The following THRB variants were observed in gnomAD, a reference collection of about 807,000 sequenced individuals.
The protein encoded by THRB is nuclear receptor subfamily 1 group A member 2.
THRB carries 12 observed loss-of-function variants against 47.8 expected under a neutral mutation model. The observed-to-expected ratio is 0.25, with a 90% CI of 0.16 to 0.41. The LOEUF is 0.41. THRB is among the 10% of genes least tolerant of loss of function. The pLI is 1.00. For synonymous variants in THRB, 218 were observed against 212.2 expected (o/e 1.03, Z -0.24); for missense variants, 348 against 589.2 (o/e 0.59, Z 4.24).
intron 4 of THRB, among the ~76,000 whole-genome samples, chr3:24,228,598 A>G (rs2047922320): frequency 6.8e-6 from 1 of 146,696 alleles, no homozygotes; most frequent in South Asian, 2.2e-4. Context: ...GCACCACTGC[A>G]CTCCAGCCTG....
intron 1 of THRB, among the ~76,000 whole-genome samples, chr3:24,479,382 A>G (rs1327347590): frequency 6.6e-6 from 1 of 152,218 alleles, no homozygotes; most frequent in East Asian, 1.9e-4. Flanking sequence ...ACCCCAACAA[A>G]TTATGTGCTC....
intron 3 of THRB, among the ~76,000 whole-genome samples, chr3:24,258,672 A>G (rs1052839492): frequency 6.0e-5 from 9 of 151,074 alleles, no homozygotes; most frequent in Admixed American, 4.6e-4. Context: ...GTGCGGGCAC[A>G]TCATTACTTT....
At chr3:24,373,858 T>C (rs762352164) in intron 1 of THRB, among the ~76,000 whole-genome samples, 3 of 152,142 alleles carry the variant, frequency 2.0e-5, no homozygotes, top group Non-Finnish European at 4.4e-5. Context: ...CATACACTGC[T>C]GAGTGTTCAA....
At position 24,170,863 on chromosome 3, in the gene THRB, A is replaced by G. The variant is rs559739553; in HGVS notation, c.284-18373T>C. 1.2e-4 allele frequency among the ~76,000 whole-genome samples: 19 copies of G among 152,292 alleles called. No homozygotes were observed. In the South Asian group the frequency reaches 1.5e-3, roughly 12 times the overall value. ...GCACCAAAATCCATGTGCATTTAAA[A>G]AAAAAAAAGATAAAATGTTACATAT... On this transcript the variant is annotated intron_variant, in intron 5 of 10. Coordinates refer to ENST00000646209, the MANE Select transcript of THRB (RefSeq NM_001354712.2).
intron 1 of THRB, among the ~76,000 whole-genome samples, chr3:24,486,950 A>G (rs949610118): frequency 2.6e-5 from 4 of 152,232 alleles, no homozygotes; most frequent in Non-Finnish European, 5.9e-5. Flanking sequence ...TAAAATTTTA[A>G]AAGTAAACAG....
intron 1 of THRB, among the ~76,000 whole-genome samples, chr3:24,345,172 T>C (rs999967906): frequency 1.3e-5 from 2 of 152,178 alleles, no homozygotes; most frequent in African/African-American, 4.8e-5. Context: ...TCAATTTTGC[T>C]GTCATTTACT....
chr3:24,481,231 T>G (rs1203345563), intron 1 of THRB, among the ~76,000 whole-genome samples: 2 of 79,896 alleles, frequency 2.5e-5, no homozygotes, highest in African/African-American at 8.7e-5. Flanking sequence ...TTCTTTCTGT[T>G]TTTTTTTTTT....
At chr3:24,325,523 T>C (rs548130767) in intron 2 of THRB, among the ~76,000 whole-genome samples, 1 of 152,110 alleles carries the variant, frequency 6.6e-6, no homozygotes, top group Non-Finnish European at 1.5e-5. Flanking sequence ...CCCATCCCTA[T>C]TAAAAATACA....
chr3:24,289,440 T>C (rs62253752), intron 3 of THRB, among the ~76,000 whole-genome samples: 2 of 152,102 alleles, frequency 1.3e-5, no homozygotes, highest in African/African-American at 4.8e-5. Context: ...TTCAAAGAGA[T>C]TGCATTCCAT....
Position 24,141,308 on chromosome 3 carries a change from T to C in THRB, c.738+2193A>G, listed in dbSNP as rs1388026456. On this transcript the variant is annotated intron_variant, in intron 8 of 10. Transcript: ENST00000646209. Reference sequence around the variant, plus strand: ...GACTGGTTCTAATGACTAGATATTGTGACCACACAGCACGAAGATATTTGA... The same window carrying C: ...GACTGGTTCTAATGACTAGATATTGCGACCACACAGCACGAAGATATTTGA... Among the ~76,000 whole-genome samples the C allele has an allele frequency of 2.6e-5, 4 of 152,342 alleles. No individual in the cohort carries two copies. In the East Asian group the frequency reaches 7.7e-4, roughly 29 times the overall value.
At chr3:24,152,606 C>T (rs2037140516) in intron 5 of THRB, 116 bp from the exon 6 acceptor site, 1 of 701,868 alleles carries the variant, frequency 1.4e-6, no homozygotes, top group Non-Finnish European at 2.6e-6. Flanking sequence ...GAGGTAACAA[C>T]AGTAAAGACT....
chr3:24,226,372 T>A (rs140404831), intron 4 of THRB, among the ~76,000 whole-genome samples: 25 of 152,310 alleles, frequency 1.6e-4, no homozygotes, highest in Admixed American at 4.6e-4. Context: ...GAAAAGAACA[T>A]TGTTTTATCT....
At chr3:24,173,514 A>T (rs1007604230) in intron 5 of THRB, among the ~76,000 whole-genome samples, 2 of 152,208 alleles carry the variant, frequency 1.3e-5, no homozygotes, top group African/African-American at 4.8e-5. Context: ...GACTGTCAAC[A>T]GGAGCAGTGA....
At chr3:24,285,740 T>C (rs965031076) in intron 3 of THRB, among the ~76,000 whole-genome samples, 8 of 152,180 alleles carry the variant, frequency 5.3e-5, no homozygotes, top group Admixed American at 5.2e-4. Flanking sequence ...ATATAAACAA[T>C]TGCTAAATTA....
chr3:24,362,253 A>AC (rs1420869038), intron 1 of THRB, among the ~76,000 whole-genome samples: 1 of 150,744 alleles, frequency 6.6e-6, no homozygotes, highest in African/African-American at 2.4e-5. Flanking sequence ...CCAACTATCC[A>AC]CCCCCTTCCC....
rs1412400255 is a variant in THRB at position 24,301,409 on chromosome 3, T to A, written c.-188-4038A>T. Among the ~76,000 whole-genome samples the A allele has an allele frequency of 2.6e-5, 4 of 152,208 alleles. No homozygotes were observed. In the East Asian group the frequency reaches 7.7e-4, roughly 29 times the overall value. On this transcript the variant is annotated intron_variant, in intron 2 of 10. Transcript: ENST00000646209. ...CTTTTCTGTGAGTTAACTACTTATA[T>A]CTTTTCCCCATTTTCCCTACTGATT...
chr3:24,453,752 C>A (rs555415254), intron 1 of THRB, among the ~76,000 whole-genome samples: 1 of 152,286 alleles, frequency 6.6e-6, no homozygotes, highest in Admixed American at 6.5e-5. Flanking sequence ...TCCCTCTTCC[C>A]AGACTTTGTC....
At chr3:24,419,259 C>G (rs904156063) in intron 1 of THRB, among the ~76,000 whole-genome samples, 3 of 151,900 alleles carry the variant, frequency 2.0e-5, no homozygotes, top group Non-Finnish European at 1.5e-5. Context: ...AGGCTCAATG[C>G]TATCCCAGGT....
At chr3:24,223,804 T>G (rs576446730) in intron 4 of THRB, among the ~76,000 whole-genome samples, 5 of 151,866 alleles carry the variant, frequency 3.3e-5, no homozygotes, top group African/African-American at 9.6e-5. Context: ...TCTAAATCAT[T>G]AAGAAAAAGA....
Sources: gnomAD v4.1 joint callset for allele counts (sites outside exome capture counted in the v4.1 genomes callset) on GRCh38, gnomAD v4.1.1 for gene constraint, MANE v1.5 for transcripts, NCBI Gene and HGNC (gene_info 2026-07-23, HGNC 2026-07-21) for gene names.